The following PPIH variants were observed in gnomAD, a reference collection of about 807,000 sequenced individuals.
PPIH encodes peptidylprolyl isomerase H.
PPIH carries 16 observed loss-of-function variants against 27.6 expected under a neutral mutation model. The ratio of observed to expected loss-of-function variants is 0.58; its 90% confidence interval spans 0.39 to 0.88. PPIH has a LOEUF of 0.88. PPIH is among the 40% of genes least tolerant of loss of function. The pLI is 0.00. For synonymous variants in PPIH, 63 were observed against 76.1 expected, an observed-to-expected ratio of 0.83 and a Z score of 0.90; for missense variants, 155 against 224.1, an observed-to-expected ratio of 0.69 and a Z score of 1.97.
intron 6 of PPIH, among the ~76,000 whole-genome samples, chr1:42,665,681 C>T (rs1032956292): frequency 4.0e-5 from 6 of 150,486 alleles, no homozygotes; most frequent in Non-Finnish European, 8.9e-5. Context: ...TTAGTCTCTA[C>T]TTAAAAAAGA....
chr1:42,658,487 T>A lies in PPIH; in HGVS notation c.41T>A (p.Phe14Tyr). ...TCAAGTCCTGTTAACCCCGTGGTGT[T>A]CTTTGATGTCAGTATTGGCGGTCAG... ...ANSSPVNPVV[F>Y]FDVSIGGQEV... Residue 14 changes from phenylalanine (F) to tyrosine (Y), a missense_variant, in exon 1 of 10, where the codon TTC becomes TAC. Phe to Tyr is a conservative substitution (Grantham distance 22, BLOSUM62 3). This residue lies in a region of PPIH where 59 missense variants were observed against 48.8 expected (regional missense o/e 1.21). Coordinates refer to ENST00000304979, the MANE Select transcript of PPIH (RefSeq NM_006347.4). The A allele has an allele frequency of 6.2e-7, 1 of 1,614,160 alleles. No individual in the cohort carries two copies.
chr1:42,679,918 CT>C (rs1379469185), downstream of PPIH, among the ~76,000 whole-genome samples: 5 of 152,240 alleles, frequency 3.3e-5, no homozygotes, highest in African/African-American at 1.2e-4. Flanking sequence ...CCAGATGACC[CT>C]TCTGCTGCCA....
intron 9 of PPIH, 94 bp downstream of exon 9, chr1:42,667,534 T>A: frequency 9.9e-6 from 10 of 1,013,872 alleles, no homozygotes; most frequent in Non-Finnish European, 1.3e-5. Context: ...AGACATGAGA[T>A]TGAGCCCAGT....
At chr1:42,669,194 C>CAAAA (rs11297325) in intron 9 of PPIH, among the ~76,000 whole-genome samples, 1 of 131,550 alleles carries the variant, frequency 7.6e-6, no homozygotes, top group East Asian at 2.2e-4. Flanking sequence ...TGGATGACAT[C>CAAAA]AAAAAAAAAA....
In PPIH at chr1:42,659,518, A is replaced by G. The variant is rs563730401; in HGVS notation, c.156-4A>G. 6.2e-6 allele frequency: 10 copies of G among 1,614,220 alleles called. No individual in the cohort carries two copies. In the African/African-American group the frequency reaches 6.7e-5, roughly 11 times the overall value. ...ACTCCAAGTCTCTTTCTTTTCGGTT[A>G]TAGGAAAGATGGGGTTCCAATAGGA... On this transcript the variant is annotated splice_polypyrimidine_tract_variant and splice_region_variant and intron_variant, in intron 3 of 9. Coordinates refer to ENST00000304979, the MANE Select transcript of PPIH (RefSeq NM_006347.4).
At chr1:42,679,744 G>T (rs568977974), downstream of PPIH, among the ~76,000 whole-genome samples, 222 of 152,362 alleles carry the variant, frequency 1.5e-3, 1 homozygote, top group South Asian at 2.9e-3. Context: ...TATAGGGCAT[G>T]CTTTTAAATG....
chr1:42,677,688 T>C (rs1208831770), downstream of PPIH, among the ~76,000 whole-genome samples: 1 of 152,118 alleles, frequency 6.6e-6, no homozygotes, highest in Non-Finnish European at 1.5e-5. Context: ...TAGCTGAGTA[T>C]GGTGGCACAT....
intron 6 of PPIH, among the ~76,000 whole-genome samples, chr1:42,665,178 T>C (rs1570388527): frequency 6.6e-6 from 1 of 150,788 alleles, no homozygotes; most frequent in African/African-American, 2.4e-5. Context: ...CTGAGGCAGG[T>C]GGATAACCTG....
In PPIH at chr1:42,665,898, T is replaced by C; in HGVS notation, c.337-82T>C. 2.7e-6 allele frequency: 3 copies of C among 1,095,686 alleles called. No individual in the cohort carries two copies. In the South Asian group the frequency reaches 3.7e-5, roughly 14 times the overall value. The allele number at this position is 1,095,686 out of a possible 1,614,324, so 67.9% of individuals were successfully genotyped here. ...CTGAAAAAAACCATAGAGGAATCAG[T>C]GTTACAAGCTCTTTTGGAAATCTTG... On this transcript the variant is annotated intron_variant, in intron 6 of 9. Transcript: ENST00000304979.
At chr1:42,658,678 C>T (rs982438577) in intron 1 of PPIH, 166 bp downstream of exon 1, 1 of 1,116,046 alleles carries the variant, frequency 9.0e-7, no homozygotes, top group South Asian at 1.4e-5. Flanking sequence ...GAGGAGTCTC[C>T]CCAATCCTAG....
intron 9 of PPIH, 59 bp downstream of exon 9, chr1:42,667,499 C>T: frequency 7.1e-7 from 1 of 1,404,708 alleles, no homozygotes; most frequent in Admixed American, 1.8e-5. Context: ...GCAGCATGGT[C>T]TAGTGGAAAG....
At chr1:42,660,752 C>A in intron 4 of PPIH, 110 bp from the exon 5 acceptor site, 1 of 983,798 alleles carries the variant, frequency 1.0e-6, no homozygotes, top group Non-Finnish European at 1.5e-6. Context: ...TTTATAATAG[C>A]CAAAGTGATA....
chr1:42,659,484 C>T, intron 3 of PPIH, 38 bp from the exon 4 acceptor site: 11 of 1,614,166 alleles, frequency 6.8e-6, no homozygotes, highest in Non-Finnish European at 9.3e-6. Flanking sequence ...CCTTGTGCTA[C>T]CTGCTGTCAC....
chr1:42,659,555 C>G lies in PPIH; in HGVS notation c.189C>G (p.Ser63Arg), dbSNP rs771288983. The G allele has an allele frequency of 1.2e-6, 2 of 1,613,858 alleles. No individual in the cohort carries two copies. Among genetic ancestry groups the G allele is most frequent in the East Asian group, 2.2e-5 (1 of 44,890 alleles). The change falls in exon 4 of 10, where the codon AGC becomes AGG. Residue 63 changes from serine to arginine, a missense_variant. Physicochemically the swap from Ser to Arg is moderately radical, Grantham distance 110. Transcript: ENST00000304979. The part of the protein sequence containing the change: ...KDGVPIGYKG[S>R]TFHRVIKDFM... ...GGGTTCCAATAGGATACAAAGGAAG[C>G]ACCTTCCACAGGTAAGGCTCTTGGC...
At chr1:42,659,712 A>C in intron 4 of PPIH, 146 bp downstream of exon 4, 1 of 1,294,408 alleles carries the variant, frequency 7.7e-7, no homozygotes, top group Non-Finnish European at 1.0e-6. Context: ...AAGATTTATT[A>C]AATGTTCTAA....
At chr1:42,659,110 C>T in intron 2 of PPIH, 118 bp from the exon 3 acceptor site, 3 of 1,494,840 alleles carry the variant, frequency 2.0e-6, no homozygotes, top group Non-Finnish European at 1.8e-6. Flanking sequence ...CGTGTCTGGA[C>T]GTCTGGCTGG....
intron 9 of PPIH, among the ~76,000 whole-genome samples, chr1:42,674,400 A>G (rs1018091765): frequency 2.0e-5 from 3 of 152,268 alleles, no homozygotes; most frequent in African/African-American, 7.2e-5. Context: ...GCAGGAAGAT[A>G]TGAAAAGCAA....
At chr1:42,664,246 C>T (rs372731893) in intron 5 of PPIH, among the ~76,000 whole-genome samples, 7 of 152,342 alleles carry the variant, frequency 4.6e-5, no homozygotes, top group Admixed American at 3.3e-4. Flanking sequence ...TCTCTCTGTT[C>T]TCTAGCCCAG....
At chr1:42,676,987 C>G (rs1051281585), downstream of PPIH, among the ~76,000 whole-genome samples, 2 of 152,020 alleles carry the variant, frequency 1.3e-5, no homozygotes, top group African/African-American at 4.8e-5. Context: ...AAGGCACAGC[C>G]CCAGGACTTT....
Sources: allele counts gnomAD v4.1 joint callset (sites outside exome capture counted in the v4.1 genomes callset), GRCh38; gene constraint gnomAD v4.1.1; regional missense constraint gnomAD v4.1.1; transcripts MANE v1.5; gene names NCBI Gene and HGNC (gene_info 2026-07-23, HGNC 2026-07-21).